Variants in GULP1 observed in about 807,000 individuals in gnomAD.
GULP1 encodes PTB domain-containing engulfment adapter protein 1.
Under a neutral mutation model 40.9 loss-of-function variants are expected in GULP1, and 19 were observed. The ratio of observed to expected loss-of-function variants is 0.46; its 90% CI spans 0.32 to 0.68. The LOEUF (loss-of-function observed/expected upper bound fraction) is 0.68, where lower values mean the gene tolerates loss of function less well. Among genes scored for constraint, GULP1 ranks in the 30% least tolerant of loss-of-function variants. The pLI, the probability that GULP1 is intolerant of heterozygous loss-of-function variation, is 0.03. For missense variants in GULP1, 312 were observed against 362.2 expected (o/e 0.86, Z 1.12); for synonymous variants, 119 against 117.6 (o/e 1.01, Z -0.08).
intron 7 of GULP1, among the ~76,000 whole-genome samples, chr2:188,561,504 A>G (rs948196842): frequency 6.6e-6 from 1 of 152,276 alleles, no homozygotes; most frequent in East Asian, 1.9e-4. Context: ...GGCCAACCTC[A>G]TGCCTCTGGG....
intron 1 of GULP1, among the ~76,000 whole-genome samples, chr2:188,323,373 C>G (rs2040273142): frequency 6.6e-6 from 1 of 151,900 alleles, no homozygotes; most frequent in Non-Finnish European, 1.5e-5. Context: ...TGTAACTGCC[C>G]TGAACATAGG....
chr2:188,525,391 CAAAAAACA>C (rs1328410071), intron 5 of GULP1, among the ~76,000 whole-genome samples: 2 of 151,528 alleles, frequency 1.3e-5, no homozygotes, highest in Admixed American at 1.3e-4. Context: ...AACTTCATCT[CAAAAAACA>C]AAAAAACAAA....
rs2048411067 is a variant in GULP1 at position 188,377,219 on chromosome 2, G to T, written c.-171-6544G>T. On this transcript the variant is annotated intron_variant, in intron 1 of 11. Transcript: ENST00000409830. ...TGAGATGAGCACAACAAATATTTAT[G>T]TACAAAGATATGTACTATGGTTTTA... 2.0e-5 allele frequency among the ~76,000 whole-genome samples: 3 copies of T among 151,720 alleles called. No individual in the cohort carries two copies. The South Asian group carries it at 6.2e-4, about 31-fold the overall frequency.
chr2:188,338,572 C>A (rs1016910256), intron 1 of GULP1, among the ~76,000 whole-genome samples: 5 of 151,590 alleles, frequency 3.3e-5, no homozygotes, highest in Admixed American at 6.6e-5. Flanking sequence ...TTCCAAAGTG[C>A]TGGGATTACA....
At position 188,396,342 on chromosome 2, in the gene GULP1, G is replaced by A. The variant is rs190867812; in HGVS notation, c.-45+12453G>A. ...GTTCCCCACATGTGGGACAAACAAG[G>A]GCTCCTGTGAGGGCCCAGGGGCGGT... On this transcript the variant is annotated intron_variant, in intron 2 of 11. Transcript: ENST00000409830. 2.0e-5 allele frequency among the ~76,000 whole-genome samples: 3 copies of A among 152,324 alleles called. No homozygotes were observed. The East Asian group carries it at 5.8e-4, about 29-fold the overall frequency.
At chr2:188,556,074 A>G in intron 7 of GULP1, among the ~76,000 whole-genome samples, 1 of 147,604 alleles carries the variant, frequency 6.8e-6, no homozygotes, top group Non-Finnish European at 1.5e-5. Flanking sequence ...AAAAAAGAAA[A>G]AGAAAAAGAA....
intron 2 of GULP1, among the ~76,000 whole-genome samples, chr2:188,448,425 C>G (rs2058573124): frequency 1.3e-5 from 2 of 152,098 alleles, no homozygotes; most frequent in South Asian, 4.2e-4. Flanking sequence ...TTTTACTTAA[C>G]AAAATTATCT....
intron 2 of GULP1, among the ~76,000 whole-genome samples, chr2:188,403,037 T>C (rs2152659092): frequency 6.6e-6 from 1 of 152,286 alleles, no homozygotes; most frequent in African/African-American, 2.4e-5. Context: ...GTAGAAGGCA[T>C]ACATTAACAT....
intron 7 of GULP1, among the ~76,000 whole-genome samples, chr2:188,564,616 TC>T (rs1289244518): frequency 6.6e-6 from 1 of 151,906 alleles, no homozygotes; most frequent in African/African-American, 2.4e-5. Flanking sequence ...ATTGGAAGGC[TC>T]AGTTTAATTG....
intron 4 of GULP1, among the ~76,000 whole-genome samples, chr2:188,521,238 C>G (rs2065742429): frequency 6.6e-6 from 1 of 152,056 alleles, no homozygotes; most frequent in Non-Finnish European, 1.5e-5. Context: ...TATTTCAATT[C>G]TAATTGGTAT....
intron 2 of GULP1, among the ~76,000 whole-genome samples, chr2:188,418,890 G>A (rs1394158337): frequency 6.6e-6 from 1 of 152,048 alleles, no homozygotes; most frequent in African/African-American, 2.4e-5. Flanking sequence ...TTCTCCTCCT[G>A]CAGGGCCTGG....
intron 2 of GULP1, among the ~76,000 whole-genome samples, chr2:188,465,607 G>GA (rs1250600639): frequency 6.6e-6 from 1 of 152,094 alleles, no homozygotes; most frequent in African/African-American, 2.4e-5. Context: ...AGGCTTGGGG[G>GA]AACTGAAGTT....
At chr2:188,588,162 A>G (rs1302001208) in intron 11 of GULP1, 2 of 559,536 alleles carry the variant, frequency 3.6e-6, no homozygotes, top group Non-Finnish European at 3.3e-6. Flanking sequence ...AAATGGTTCA[A>G]TTTATAATGT....
At chr2:188,565,573 T>C (rs1394862478) in intron 7 of GULP1, among the ~76,000 whole-genome samples, 1 of 152,054 alleles carries the variant, frequency 6.6e-6, no homozygotes, top group Non-Finnish European at 1.5e-5. Flanking sequence ...ATGAGAACTC[T>C]CTTAACTGCT....
At chr2:188,562,068 A>C (rs531852735) in intron 7 of GULP1, among the ~76,000 whole-genome samples, 4 of 152,070 alleles carry the variant, frequency 2.6e-5, no homozygotes, top group Admixed American at 2.0e-4. Context: ...AGTTTCCCTA[A>C]TGCCTCAGCC....
At chr2:188,532,764 A>AG (rs1317963660) in intron 6 of GULP1, among the ~76,000 whole-genome samples, 3 of 150,496 alleles carry the variant, frequency 2.0e-5, no homozygotes, top group Non-Finnish European at 4.4e-5. Context: ...AAAAAAAAAA[A>AG]AAAAAAAGTA....
chr2:188,477,572 A>C, intron 2 of GULP1, 87 bp from the exon 3 acceptor site: 1 of 663,732 alleles, frequency 1.5e-6, no homozygotes, highest in East Asian at 3.1e-5. Flanking sequence ...AAAATTTAAA[A>C]AGCCTTTATA....
intron 2 of GULP1, among the ~76,000 whole-genome samples, chr2:188,419,459 T>C (rs2055062658): frequency 6.6e-6 from 1 of 152,168 alleles, no homozygotes; most frequent in Non-Finnish European, 1.5e-5. Context: ...TTAGTGATGC[T>C]GAGAACCTTT....
chr2:188,390,956 A>G (rs926809218), intron 2 of GULP1, among the ~76,000 whole-genome samples: 3 of 152,024 alleles, frequency 2.0e-5, no homozygotes, highest in Non-Finnish European at 4.4e-5. Flanking sequence ...TGTCTTCTCT[A>G]TTATGGTCCA....
Sources: allele counts gnomAD v4.1 joint callset (sites outside exome capture counted in the v4.1 genomes callset), GRCh38; gene constraint gnomAD v4.1.1; transcripts MANE v1.5; gene names NCBI Gene and HGNC (gene_info 2026-07-23, HGNC 2026-07-21).